The following LYPLAL1 variants were observed in gnomAD, a reference collection of about 807,000 sequenced individuals.
The protein encoded by LYPLAL1 is lysophospholipase like 1.
Under a neutral mutation model 19.7 loss-of-function variants are expected in LYPLAL1, and 23 were observed. That is an observed-to-expected ratio of 1.17 (90% CI 0.84 to 1.65). LYPLAL1 has a LOEUF of 1.65. Among genes scored for constraint, LYPLAL1 ranks in the 40% most tolerant of loss-of-function variants. LYPLAL1 has a pLI of 0.00. For synonymous variants in LYPLAL1, 119 were observed against 96.3 expected, an observed-to-expected ratio of 1.24 and a Z score of -1.38; for missense variants, 355 against 279.4, an observed-to-expected ratio of 1.27 and a Z score of -1.93.
the LYPLAL1 span, among the ~76,000 whole-genome samples, chr1:219,419,594 C>CACACACACACACAG: frequency 7.7e-3 from 763 of 99,536 alleles, 10 homozygotes; most frequent in Non-Finnish European, 8.6e-3. Flanking sequence ...CACACACACA[C>CACACACACACACAG]AGAGAGAGAG....
At chr1:219,395,265 T>C in the LYPLAL1 span, among the ~76,000 whole-genome samples, 1 of 152,234 alleles carries the variant, frequency 6.6e-6, no homozygotes, top group East Asian at 1.9e-4. Context: ...TTTCTTTTTC[T>C]AGGCAACCTT....
chr1:219,331,181 G>A, the LYPLAL1 span, among the ~76,000 whole-genome samples: 2 of 152,148 alleles, frequency 1.3e-5, no homozygotes, highest in Admixed American at 1.3e-4. Flanking sequence ...GCATTGGCTA[G>A]GTGGTTAGAT....
chr1:219,302,883 T>C, the LYPLAL1 span, among the ~76,000 whole-genome samples: 7 of 152,174 alleles, frequency 4.6e-5, no homozygotes, highest in Admixed American at 4.6e-4. Context: ...ATGCATTACA[T>C]GCATTAGCCA....
chr1:219,348,302 C>A, the LYPLAL1 span, among the ~76,000 whole-genome samples: 1 of 152,206 alleles, frequency 6.6e-6, no homozygotes, highest in Non-Finnish European at 1.5e-5. Flanking sequence ...TTGGAAGGAG[C>A]TGCTGTAGTG....
intron 1 of LYPLAL1, among the ~76,000 whole-genome samples, chr1:219,177,047 T>G (rs907998003): frequency 2.0e-5 from 3 of 152,210 alleles, no homozygotes; most frequent in African/African-American, 7.2e-5. Context: ...TGGAACAGTG[T>G]TACAATTTTA....
the LYPLAL1 span, among the ~76,000 whole-genome samples, chr1:219,342,880 G>T: frequency 6.6e-6 from 1 of 152,294 alleles, no homozygotes; most frequent in African/African-American, 2.4e-5. Context: ...TCAATTTCCA[G>T]TTTATTGTTT....
the LYPLAL1 span, among the ~76,000 whole-genome samples, chr1:219,229,163 T>C: frequency 6.6e-6 from 1 of 151,890 alleles, no homozygotes; most frequent in Non-Finnish European, 1.5e-5. Flanking sequence ...GAGAGGTATG[T>C]AAATATTTCT....
chr1:219,282,842 A>T, the LYPLAL1 span, among the ~76,000 whole-genome samples: 36 of 152,178 alleles, frequency 2.4e-4, no homozygotes, highest in African/African-American at 8.7e-4. Flanking sequence ...AAATGCAAAA[A>T]TTGTTGTCTA....
the LYPLAL1 span, among the ~76,000 whole-genome samples, chr1:219,362,030 A>G: frequency 2.0e-5 from 3 of 152,152 alleles, no homozygotes; most frequent in Non-Finnish European, 4.4e-5. Flanking sequence ...ATTAAATGTT[A>G]ATCCTCTTGA....
the LYPLAL1 span, among the ~76,000 whole-genome samples, chr1:219,243,649 G>C: frequency 6.6e-6 from 1 of 152,120 alleles, no homozygotes. Flanking sequence ...TCCCGGCGCA[G>C]TGGCTCATGC....
chr1:219,257,711 A>T, the LYPLAL1 span, among the ~76,000 whole-genome samples: 1 of 152,036 alleles, frequency 6.6e-6, no homozygotes, highest in African/African-American at 2.4e-5. Flanking sequence ...AATTAGAATT[A>T]CTGATGAGGG....
the LYPLAL1 span, among the ~76,000 whole-genome samples, chr1:219,336,317 C>A: frequency 2.0e-5 from 3 of 151,782 alleles, no homozygotes; most frequent in South Asian, 6.2e-4. Context: ...ACTGTTACTA[C>A]TTACTTGTCA....
chr1:219,299,409 T>A, the LYPLAL1 span, among the ~76,000 whole-genome samples: 7 of 152,282 alleles, frequency 4.6e-5, no homozygotes, highest in South Asian at 1.0e-3. Context: ...GAAGGTATCA[T>A]ATGAAATAAC....
the LYPLAL1 span, among the ~76,000 whole-genome samples, chr1:219,351,247 T>G: frequency 2.6e-5 from 4 of 152,008 alleles, no homozygotes; most frequent in Non-Finnish European, 5.9e-5. Flanking sequence ...ACACTTTCTC[T>G]CAGGACCTTT....
At chr1:219,381,563 G>A in the LYPLAL1 span, among the ~76,000 whole-genome samples, 1 of 152,060 alleles carries the variant, frequency 6.6e-6, no homozygotes, top group Non-Finnish European at 1.5e-5. Context: ...TCTTTCCCTG[G>A]GCCAGGAAAA....
the LYPLAL1 span, among the ~76,000 whole-genome samples, chr1:219,255,161 G>T: frequency 6.6e-6 from 1 of 151,694 alleles, no homozygotes; most frequent in Admixed American, 6.6e-5. Flanking sequence ...GATTGAAATT[G>T]TATTAAAATT....
chr1:219,346,177 A>T, the LYPLAL1 span, among the ~76,000 whole-genome samples: 1 of 152,158 alleles, frequency 6.6e-6, no homozygotes, highest in East Asian at 1.9e-4. Flanking sequence ...GAGATGAGAG[A>T]TCAGTCTCAA....
At chr1:219,263,858 TG>T in the LYPLAL1 span, among the ~76,000 whole-genome samples, 1 of 152,214 alleles carries the variant, frequency 6.6e-6, no homozygotes, top group Non-Finnish European at 1.5e-5. Flanking sequence ...TTTCATACTT[TG>T]GGAACTCACA....
chr1:219,294,883 T>A, the LYPLAL1 span, among the ~76,000 whole-genome samples: 118,152 of 152,124 alleles, frequency 0.78, 46,118 homozygotes, highest in East Asian at 0.99. Context: ...TCCTTCTGGG[T>A]GTAGAGCTGG....
Sources: allele counts gnomAD v4.1 joint callset (sites outside exome capture counted in the v4.1 genomes callset), GRCh38; gene constraint gnomAD v4.1.1; transcripts MANE v1.5; gene names NCBI Gene and HGNC (gene_info 2026-07-23, HGNC 2026-07-21).